The following NRG4 variants were observed in gnomAD, a reference collection of about 807,000 sequenced individuals.
NRG4 encodes the protein pro-neuregulin-4, membrane-bound isoform.
Under a neutral mutation model 15.0 loss-of-function variants are expected in NRG4, and 10 were observed. The observed-to-expected ratio is 0.67, with a 90% CI of 0.41 to 1.13. The LOEUF (loss-of-function observed/expected upper bound fraction) is 1.13. Among genes scored for constraint, NRG4 ranks in the 50% most tolerant of loss-of-function variants. The probability of loss-of-function intolerance (pLI) is 0.00; values close to 1 mark genes in which losing one functional copy is unlikely to be tolerated. For missense variants in NRG4, 139 were observed against 140.2 expected, an observed-to-expected ratio of 0.99 and a Z score of 0.04; for synonymous variants, 41 against 50.1, an observed-to-expected ratio of 0.82 and a Z score of 0.77.
chr15:76,032,813 A>C (rs771576913), intron 5 of NRG4, among the ~76,000 whole-genome samples: 13 of 152,370 alleles, frequency 8.5e-5, no homozygotes, highest in Non-Finnish European at 1.8e-4. Flanking sequence ...ATGAACAAAA[A>C]CATTTAAAAG....
At chr15:75,989,822 T>C (rs530594297) in intron 3 of NRG4, among the ~76,000 whole-genome samples, 10 of 152,366 alleles carry the variant, frequency 6.6e-5, no homozygotes, top group African/African-American at 2.4e-4. Context: ...TTTGCATTGC[T>C]TGCTGAACAT....
chr15:76,037,662 G>A (rs1281477441), intron 4 of NRG4, among the ~76,000 whole-genome samples: 5 of 152,090 alleles, frequency 3.3e-5, no homozygotes, highest in African/African-American at 1.2e-4. Flanking sequence ...GCTGGGCTTG[G>A]AGCCAGTGGA....
chr15:76,007,417 A>G (rs2034643570), intron 3 of NRG4, among the ~76,000 whole-genome samples: 1 of 150,606 alleles, frequency 6.6e-6, no homozygotes, highest in Non-Finnish European at 1.5e-5. Context: ...TATTTAAATT[A>G]TTAAACGCAC....
At chr15:76,003,198 TAC>T (rs2141895115) in intron 3 of NRG4, among the ~76,000 whole-genome samples, 1 of 152,224 alleles carries the variant, frequency 6.6e-6, no homozygotes, top group South Asian at 2.1e-4. Context: ...AATTGAGCAA[TAC>T]ACTTTCATAG....
At chr15:75,975,068 C>T (rs568141044) in intron 3 of NRG4, among the ~76,000 whole-genome samples, 1 of 152,270 alleles carries the variant, frequency 6.6e-6, no homozygotes, top group East Asian at 1.9e-4. Flanking sequence ...GGATAGTTAG[C>T]TCTTCTTACT....
At chr15:76,040,840 G>A (rs537822824) in intron 4 of NRG4, among the ~76,000 whole-genome samples, 30 of 152,250 alleles carry the variant, frequency 2.0e-4, no homozygotes, top group South Asian at 4.1e-4. Flanking sequence ...CAGGAAAATC[G>A]TTTGAACCCA....
At chr15:75,996,082 T>C (rs181276174) in intron 3 of NRG4, among the ~76,000 whole-genome samples, 37 of 152,352 alleles carry the variant, frequency 2.4e-4, no homozygotes, top group African/African-American at 8.4e-4. Flanking sequence ...AGAAAAAGAA[T>C]GCCTGGCTCA....
rs2033404812 is a variant in NRG4, at chr15:75,977,160, A to G, written c.105-15186T>C. On this transcript the variant is annotated intron_variant, in intron 3 of 5. Coordinates refer to ENST00000394907, the MANE Select transcript of NRG4 (RefSeq NM_138573.4). The surrounding 1 kb of genome is among the most constrained non-coding windows in gnomAD (Gnocchi z 4.9). ...GAAAACTGCCCACTCAAGCCTCCAG[A>G]TGCCCCTCCCCCAACCAAGACTGAG... 6.6e-6 allele frequency among the ~76,000 whole-genome samples: 1 copy of G among 152,072 alleles called. No homozygotes were observed. The highest frequency in any genetic ancestry group is 6.6e-5 in the Admixed American group (1 of 15,254).
chr15:75,999,635 T>C (rs992479074), intron 3 of NRG4, among the ~76,000 whole-genome samples: 2 of 152,284 alleles, frequency 1.3e-5, no homozygotes, highest in South Asian at 2.1e-4. Context: ...ATTTCTACTG[T>C]CTATAAATTA....
intron 5 of NRG4, among the ~76,000 whole-genome samples, chr15:75,953,280 A>G (rs571338372): frequency 7.9e-5 from 12 of 152,148 alleles, no homozygotes; most frequent in African/African-American, 2.9e-4. Context: ...GACTATTATT[A>G]CCCCCCACTG....
In NRG4 at chr15:76,009,203, C is replaced by T. The variant is rs1474215201; in HGVS notation, c.101G>A (p.Cys34Tyr). 2.6e-6 allele frequency: 4 copies of T among 1,524,970 alleles called. No homozygotes were observed. The Middle Eastern group carries it at 5.1e-4, about 194-fold the overall frequency. The allele number at this position is 1,524,970 out of a possible 1,614,324, so 94.5% of individuals were successfully genotyped here. A position where few individuals can be genotyped will look rare whatever the true frequency, so the allele number is the denominator to read the frequency against. Residue 34 changes from cysteine (C) to tyrosine (Y), a missense_variant, in exon 3 of 6, where the codon TGT becomes TAT. Transcript: ENST00000394907. ...CCCCCTAGTCCATTTCACTCACCTA[C>T]AAAATGGGCTGGGAATAGTAGGTAT... ...YVIPTIPSPF[C>Y]RCVENYTGAR...
chr15:76,023,111 G>A (rs1485976846), intron 5 of NRG4, among the ~76,000 whole-genome samples: 1 of 148,492 alleles, frequency 6.7e-6, no homozygotes, highest in African/African-American at 2.5e-5. Flanking sequence ...GCTCACTAGA[G>A]ACACCTGGCA....
At chr15:76,023,183 C>CACAA (rs67858639) in intron 5 of NRG4, among the ~76,000 whole-genome samples, 1,970 of 112,218 alleles carry the variant, frequency 0.018, 24 homozygotes, top group East Asian at 0.062. Flanking sequence ...CACACACACA[C>CACAA]AAGCAAGGAC....
At chr15:75,995,917 T>G (rs1466302470) in intron 3 of NRG4, among the ~76,000 whole-genome samples, 1 of 152,176 alleles carries the variant, frequency 6.6e-6, no homozygotes, top group Non-Finnish European at 1.5e-5. Context: ...GCATTACAGT[T>G]CTAAGTCAGA....
chr15:75,947,571 G>A (rs1449086557), intron 5 of NRG4, among the ~76,000 whole-genome samples: 1 of 152,144 alleles, frequency 6.6e-6, no homozygotes, highest in East Asian at 1.9e-4. Context: ...AAGAACCAAG[G>A]TCTCACAACA....
intron 5 of NRG4, among the ~76,000 whole-genome samples, chr15:76,020,022 CG>C (rs2035104316): frequency 6.6e-6 from 1 of 152,106 alleles, no homozygotes; most frequent in Admixed American, 6.5e-5. Flanking sequence ...TGCAATATTT[CG>C]AACTTTTTCA....
At chr15:76,053,131 T>A (rs1292395201) in intron 2 of NRG4, 1 of 151,164 alleles carries the variant, frequency 6.6e-6, no homozygotes, top group Non-Finnish European at 1.5e-5. Context: ...TTATTTCCCT[T>A]ACTCATAGTT....
At chr15:76,026,083 G>A (rs886650929) in intron 5 of NRG4, among the ~76,000 whole-genome samples, 2 of 151,994 alleles carry the variant, frequency 1.3e-5, no homozygotes. Context: ...AAGAAAAGAA[G>A]GGGAAAAAAG....
chr15:75,979,264 T>C (rs1427934596), intron 3 of NRG4, among the ~76,000 whole-genome samples: 7 of 151,984 alleles, frequency 4.6e-5, no homozygotes, highest in Admixed American at 3.3e-4. Context: ...TCAGGTTTTA[T>C]ATTTAAGTCT....
Sources: allele counts gnomAD v4.1 joint callset (sites outside exome capture counted in the v4.1 genomes callset), GRCh38; gene constraint gnomAD v4.1.1; non-coding constraint Gnocchi (gnomAD v3.1); transcripts MANE v1.5; gene names NCBI Gene and HGNC (gene_info 2026-07-23, HGNC 2026-07-21).